Variants in TCF4 observed in about 807,000 individuals in gnomAD.
TCF4 encodes the protein transcription factor 4.
In TCF4, 3 loss-of-function variants were observed where a neutral mutation model predicts 82.1. That is an observed-to-expected ratio of 0.04 (90% CI 0.02 to 0.09). The LOEUF (loss-of-function observed/expected upper bound fraction) is 0.09, where lower values mean the gene tolerates loss of function less well. Among genes scored for constraint, TCF4 ranks in the 10% least tolerant of loss-of-function variants. TCF4 has a pLI of 1.00. For missense variants in TCF4, 518 were observed against 852.7 expected (o/e 0.61, Z 4.89); for synonymous variants, 276 against 309.6 (o/e 0.89, Z 1.14).
intron 3 of TCF4, among the ~76,000 whole-genome samples, chr18:55,465,415 CTCT>C (rs2095991542): frequency 6.6e-6 from 1 of 151,288 alleles, no homozygotes; most frequent in Admixed American, 6.6e-5. Context: ...AAATTAACTT[CTCT>C]TTTTTTTTTT....
At chr18:55,635,807 C>T in exon 1 of TCF4, 1 of 1,554,326 alleles carries the variant, frequency 6.4e-7, no homozygotes, top group Non-Finnish European at 8.7e-7. Flanking sequence ...TCAACTGCAC[C>T]CTCCATCTTT....
chr18:55,232,776 C>G, intron 16 of TCF4, 105 bp from the exon 17 acceptor site: 6 of 1,419,466 alleles, frequency 4.2e-6, no homozygotes, highest in Non-Finnish European at 5.9e-6. Context: ...AACTGTGATC[C>G]TTCTGTCACT....
chr18:55,622,181 A>C (rs56354936), intron 2 of TCF4, among the ~76,000 whole-genome samples: 1 of 14,180 alleles, frequency 7.1e-5, no homozygotes, highest in African/African-American at 9.7e-5. Context: ...ACGCACTCAC[A>C]CACACACCCT....
In TCF4 at chr18:55,587,337, CAAAAAAAAAAAAAAAAAAAAAAAA is replaced by C. The variant is rs1159348981; in HGVS notation, c.-20-225_-20-202del. 14 of 7,156 alleles carry C rather than the reference CAAAAAAAAAAAAAAAAAAAAAAAA, an allele frequency of 2.0e-3. No homozygotes were observed. In the South Asian group the frequency reaches 0.03, roughly 15 times the overall value. The allele number at this position is 7,156 out of a possible 1,614,324, so 0.4% of individuals were successfully genotyped here. Reference sequence around the variant, plus strand: ...TTTAAGATGGAATAGGCAGCAATAGCAAAAAAAAAAAAAAAAAAAAAAAAAAAAAAAAAAAAAGCGATATTGTAT... The same window carrying C: ...TTTAAGATGGAATAGGCAGCAATAGCAAAAAAAAAAAAAGCGATATTGTAT... On this transcript the variant is annotated intron_variant, in intron 1 of 19. Coordinates refer to ENST00000354452, the MANE Select transcript of TCF4 (RefSeq NM_001083962.2).
chr18:55,580,778 G>A (rs200564292), intron 3 of TCF4, among the ~76,000 whole-genome samples: 2 of 144,136 alleles, frequency 1.4e-5, no homozygotes, highest in African/African-American at 5.1e-5. Context: ...GTGTGTGTGT[G>A]TATAGAACTC....
intron 6 of TCF4, among the ~76,000 whole-genome samples, chr18:55,357,168 G>A (rs2083766126): frequency 6.6e-6 from 1 of 152,102 alleles, no homozygotes; most frequent in Admixed American, 6.6e-5. Context: ...CTAAAGCGAG[G>A]AGGTTTTTTG....
At chr18:55,408,763 T>G (rs887484762) in intron 5 of TCF4, among the ~76,000 whole-genome samples, 16 of 152,136 alleles carry the variant, frequency 1.1e-4, no homozygotes, top group Non-Finnish European at 1.5e-4. Flanking sequence ...CCTGGCAGTT[T>G]GTTTGCCCAG....
intron 2 of TCF4, among the ~76,000 whole-genome samples, chr18:55,594,172 G>T (rs1248717115): frequency 6.6e-6 from 1 of 152,204 alleles, no homozygotes; most frequent in Admixed American, 6.5e-5. Flanking sequence ...TTCCGTCACT[G>T]TTCACAAGGC....
At chr18:55,481,261 T>C (rs1008599658) in intron 3 of TCF4, among the ~76,000 whole-genome samples, 17 of 152,188 alleles carry the variant, frequency 1.1e-4, no homozygotes, top group Admixed American at 5.2e-4. Flanking sequence ...ACTGGCACAA[T>C]GTTGGAAGTA....
At chr18:55,426,654 G>A (rs546705987) in intron 5 of TCF4, among the ~76,000 whole-genome samples, 3 of 152,152 alleles carry the variant, frequency 2.0e-5, no homozygotes, top group East Asian at 3.9e-4. Context: ...TTTCAATATG[G>A]TGCTTGATTT....
At chr18:55,321,234 T>C in intron 8 of TCF4, 1 of 212,904 alleles carries the variant, frequency 4.7e-6, no homozygotes, top group South Asian at 7.4e-5. Context: ...TCACAAAACC[T>C]CAATCCAGGG....
chr18:55,342,397 T>C (rs968888705), intron 8 of TCF4, among the ~76,000 whole-genome samples: 1 of 152,190 alleles, frequency 6.6e-6, no homozygotes. Flanking sequence ...CCCAAGGTTC[T>C]GGCAATGCAA....
At chr18:55,243,058 A>G (rs2051849314) in intron 15 of TCF4, among the ~76,000 whole-genome samples, 2 of 152,214 alleles carry the variant, frequency 1.3e-5, no homozygotes, top group Non-Finnish European at 2.9e-5. Flanking sequence ...GAAGAACATG[A>G]CATTTTAGGC....
intron 3 of TCF4, among the ~76,000 whole-genome samples, chr18:55,545,437 T>C (rs2097197839): frequency 6.6e-6 from 1 of 152,046 alleles, no homozygotes; most frequent in South Asian, 2.1e-4. Context: ...GTCTGGGGTT[T>C]TTTTTGTTTT....
intron 8 of TCF4, chr18:55,321,594 G>T: frequency 6.5e-7 from 1 of 1,533,886 alleles, no homozygotes; most frequent in South Asian, 1.2e-5. Context: ...TGCAAACAAT[G>T]ATCACCACCT....
chr18:55,235,412 A>G (rs1478363101), intron 15 of TCF4, among the ~76,000 whole-genome samples: 1 of 152,148 alleles, frequency 6.6e-6, no homozygotes, highest in Non-Finnish European at 1.5e-5. Context: ...GCAAGGAAGG[A>G]TGTTTGGACA....
intron 3 of TCF4, among the ~76,000 whole-genome samples, chr18:55,545,320 C>A (rs143422751): frequency 6.6e-6 from 1 of 152,118 alleles, no homozygotes; most frequent in East Asian, 1.9e-4. Flanking sequence ...TGATCATTTA[C>A]GACAGATTTG....
intron 4 of TCF4, among the ~76,000 whole-genome samples, chr18:55,462,674 G>T (rs2095891968): frequency 1.3e-5 from 2 of 152,158 alleles, no homozygotes; most frequent in South Asian, 4.1e-4. Context: ...GTACTGAATG[G>T]ATAAATCATA....
chr18:55,476,959 C>G (rs906345822), intron 3 of TCF4, among the ~76,000 whole-genome samples: 3 of 152,128 alleles, frequency 2.0e-5, no homozygotes, highest in Non-Finnish European at 2.9e-5. Context: ...GTAAAATCAG[C>G]ATACACACAC....
Sources: gnomAD v4.1 joint callset for allele counts (sites outside exome capture counted in the v4.1 genomes callset) on GRCh38, gnomAD v4.1.1 for gene constraint, MANE v1.5 for transcripts, NCBI Gene and HGNC (gene_info 2026-07-23, HGNC 2026-07-21) for gene names.